Variants in ARID1B observed in about 807,000 individuals in gnomAD.
ARID1B encodes the protein AT-rich interactive domain-containing protein 1B.
ARID1B carries 30 observed loss-of-function variants against 212.3 expected under a neutral mutation model. That is an observed-to-expected ratio of 0.14 (90% CI 0.11 to 0.19). The LOEUF (loss-of-function observed/expected upper bound fraction) is 0.19, where lower values mean the gene tolerates loss of function less well. Ranked by LOEUF, ARID1B falls within the 10% of genes least tolerant of loss-of-function variation. The probability of loss-of-function intolerance (pLI) is 1.00; values close to 1 mark genes in which losing one functional copy is unlikely to be tolerated. For synonymous variants in ARID1B, 1,402 were observed against 1,301.7 expected (o/e 1.08, Z -1.66); for missense variants, 2,891 against 3,204.0 (o/e 0.90, Z 2.36).
intron 4 of ARID1B, among the ~76,000 whole-genome samples, chr6:156,962,189 C>CCCGA (rs1794427372): frequency 6.6e-6 from 1 of 151,960 alleles, no homozygotes; most frequent in African/African-American, 2.4e-5. Context: ...GTCCCAGCTA[C>CCCGA]TCGGAAGGCT....
At chr6:156,807,051 T>A (rs950486235) in intron 1 of ARID1B, among the ~76,000 whole-genome samples, 19 of 152,190 alleles carry the variant, frequency 1.2e-4, no homozygotes, top group African/African-American at 4.1e-4. Flanking sequence ...AACCAAGCGG[T>A]GGACCAGATT....
intron 4 of ARID1B, among the ~76,000 whole-genome samples, chr6:156,996,291 G>C (rs577258692): frequency 6.6e-6 from 1 of 152,280 alleles, no homozygotes; most frequent in South Asian, 2.1e-4. Context: ...TTCTTTTCCT[G>C]CAGCGAGGTC....
intron 3 of ARID1B, among the ~76,000 whole-genome samples, chr6:156,934,961 T>TATATATATATATATAG: frequency 1.1e-5 from 1 of 90,440 alleles, no homozygotes; most frequent in African/African-American, 4.3e-5. Context: ...TATATATATA[T>TATATATATATATATAG]AGTTTATATT....
At chr6:156,876,656 C>A (rs1195301030) in intron 2 of ARID1B, among the ~76,000 whole-genome samples, 1 of 152,220 alleles carries the variant, frequency 6.6e-6, no homozygotes, top group Non-Finnish European at 1.5e-5. Context: ...TCACTAATTC[C>A]TGAAGACTGT....
Position 157,037,642 on chromosome 6 carries a change from C to A in ARID1B, c.2248-47020C>A, listed in dbSNP as rs531811155. Among the ~76,000 whole-genome samples the A allele has an allele frequency of 2.0e-5, 3 of 152,292 alleles. No homozygotes were observed. In the South Asian group the frequency reaches 6.2e-4, roughly 32 times the overall value. On this transcript the variant is annotated intron_variant, in intron 4 of 19. Coordinates refer to ENST00000636930, the MANE Select transcript of ARID1B (RefSeq NM_001374828.1). The stretch of plus-strand genomic sequence containing the variant: ...GACTGGAGAGGTTAAAGATAACTTT[C>A]TCCTATAAAAAATGGTAAGCTATTA...
chr6:157,177,219 G>A (rs1376923737), intron 11 of ARID1B, among the ~76,000 whole-genome samples: 2 of 152,214 alleles, frequency 1.3e-5, no homozygotes, highest in East Asian at 3.8e-4. Context: ...AACAAGAGAA[G>A]CTGAAGTTCA....
intron 4 of ARID1B, among the ~76,000 whole-genome samples, chr6:157,052,144 T>C (rs986909275): frequency 6.6e-6 from 1 of 152,184 alleles, no homozygotes; most frequent in Non-Finnish European, 1.5e-5. Context: ...TATTTTGTCT[T>C]GTAGGTGAAG....
At chr6:156,939,180 A>G (rs1792481935) in intron 4 of ARID1B, 1 of 152,340 alleles carries the variant, frequency 6.6e-6, no homozygotes, top group Non-Finnish European at 1.5e-5. Context: ...TTAGACTATT[A>G]TCACTTAAAA....
intron 6 of ARID1B, among the ~76,000 whole-genome samples, chr6:157,130,140 G>C (rs1271361321): frequency 6.6e-6 from 1 of 151,874 alleles, no homozygotes; most frequent in East Asian, 1.9e-4. Context: ...CTGCACTCCA[G>C]CCTGGGTGAC....
chr6:157,097,865 G>C (rs1468691779), intron 5 of ARID1B, among the ~76,000 whole-genome samples: 1 of 152,186 alleles, frequency 6.6e-6, no homozygotes, highest in Non-Finnish European at 1.5e-5. Flanking sequence ...TGCTGCAACT[G>C]TGGTTAGTTA....
At chr6:157,131,495 G>A (rs551484243) in intron 6 of ARID1B, among the ~76,000 whole-genome samples, 1 of 152,256 alleles carries the variant, frequency 6.6e-6, no homozygotes, top group South Asian at 2.1e-4. Context: ...GAACGGGGGA[G>A]AGAGGCTTTG....
At chr6:156,823,754 T>A (rs545117345) in intron 1 of ARID1B, among the ~76,000 whole-genome samples, 46 of 146,992 alleles carry the variant, frequency 3.1e-4, no homozygotes, top group Non-Finnish European at 6.2e-4. Flanking sequence ...CTGAAAAAAG[T>A]AGTAAAATAT....
chr6:157,054,003 T>A (rs535874503), intron 4 of ARID1B, among the ~76,000 whole-genome samples: 1 of 152,282 alleles, frequency 6.6e-6, no homozygotes, highest in East Asian at 1.9e-4. Context: ...GATGGGTGGA[T>A]CACCTGAGGT....
Position 156,778,280 on chromosome 6 carries a change from GCAGCAGCAGCAA to G in ARID1B, c.612_623del (p.Gln211_Gln214del), listed in dbSNP as rs797045275. The G allele has an allele frequency of 4.2e-5, 65 of 1,541,304 alleles. No individual in the cohort carries two copies. The highest frequency in any genetic ancestry group is 9.8e-5 in the Admixed American group (5 of 50,888). On this transcript the variant is annotated inframe_deletion, in exon 1 of 20. Coordinates refer to ENST00000636930, the MANE Select transcript of ARID1B (RefSeq NM_001374828.1). Reference sequence around the variant, plus strand: ...AGCTAAACCAGTTCCAGCAGCAGCAGCAGCAGCAGCAACAGCAGCAGCAGCAGCAGCAGCAAC... The same window carrying G: ...AGCTAAACCAGTTCCAGCAGCAGCAGCAGCAGCAGCAGCAGCAGCAGCAAC...
chr6:156,988,073 TA>T (rs147757421), intron 4 of ARID1B, among the ~76,000 whole-genome samples: 5,625 of 152,232 alleles, frequency 0.037, 339 homozygotes, highest in African/African-American at 0.13. Flanking sequence ...CAAAACACTC[TA>T]AAAAAATCTG....
chr6:156,872,776 C>G (rs1008007949), intron 2 of ARID1B, among the ~76,000 whole-genome samples: 3 of 151,882 alleles, frequency 2.0e-5, no homozygotes, highest in Admixed American at 6.6e-5. Flanking sequence ...CCTTTTCCAA[C>G]TGCTGCCCCC....
At chr6:157,143,369 C>T (rs1369619177) in intron 7 of ARID1B, among the ~76,000 whole-genome samples, 3 of 151,882 alleles carry the variant, frequency 2.0e-5, no homozygotes, top group African/African-American at 7.3e-5. Context: ...CTTTTCCTCT[C>T]ATATTTTGCT....
rs141742411 is a variant in ARID1B, at chr6:156,858,331, A to G, written c.1986+28910A>G. On this transcript the variant is annotated intron_variant, in intron 2 of 19. Coordinates refer to ENST00000636930, the MANE Select transcript of ARID1B (RefSeq NM_001374828.1). ...TGTTTGATAGCACAGTAGGGCAACTATAGTTAACAATAATGTAATTTCAAA... is the reference window on the plus strand; with the variant it reads ...TGTTTGATAGCACAGTAGGGCAACTGTAGTTAACAATAATGTAATTTCAAA... 2.0e-3 allele frequency among the ~76,000 whole-genome samples: 307 copies of G among 152,330 alleles called. 3 individuals carry two copies. Among genetic ancestry groups the G allele is most frequent in the African/African-American group, 7.0e-3 (292 of 41,570 alleles).
chr6:156,901,627 G>GA (rs570755706), intron 3 of ARID1B, 102 bp downstream of exon 3: 19 of 1,401,792 alleles, frequency 1.4e-5, no homozygotes, highest in Non-Finnish European at 1.1e-5. Flanking sequence ...TGTTCTGGTG[G>GA]AAAAAAAATT....
Sources: gnomAD v4.1 joint callset for allele counts (sites outside exome capture counted in the v4.1 genomes callset) on GRCh38, gnomAD v4.1.1 for gene constraint, MANE v1.5 for transcripts, NCBI Gene and HGNC (gene_info 2026-07-23, HGNC 2026-07-21) for gene names.